Variants in ELL observed in about 807,000 individuals in gnomAD.
The protein encoded by ELL is RNA polymerase II elongation factor ELL.
A neutral mutation model predicts 64.0 loss-of-function variants in ELL; 18 were observed. The observed-to-expected ratio is 0.28, with a 90% CI of 0.19 to 0.42. The LOEUF is 0.42. ELL is among the 10% of genes least tolerant of loss of function. The probability of loss-of-function intolerance (pLI) is 1.00; values close to 1 mark genes in which losing one functional copy is unlikely to be tolerated. For missense variants in ELL, 797 were observed against 870.4 expected, an observed-to-expected ratio of 0.92 and a Z score of 1.06; for synonymous variants, 399 against 376.2, an observed-to-expected ratio of 1.06 and a Z score of -0.70.
chr19:18,482,336 T>TAAAAAAAAAAAAAAAAAAAAAAAAA (rs1975318999), intron 1 of ELL, among the ~76,000 whole-genome samples: 3 of 127,924 alleles, frequency 2.3e-5, no homozygotes, highest in African/African-American at 8.8e-5. Context: ...TTTTTTTTTT[T>TAAAAAAAAAAAAAAAAAAAAAAAAA]AAACAGGGTC....
At chr19:18,471,054 T>G (rs1384820939) in intron 2 of ELL, 8 of 451,902 alleles carry the variant, frequency 1.8e-5, no homozygotes, top group Non-Finnish European at 3.5e-5. Context: ...AGAAATTGAT[T>G]TAGGTACAAC....
Position 18,443,207 on chromosome 19 carries a change from G to A in ELL, c.*1545C>T, listed in dbSNP as rs962464620. On this transcript the variant is annotated 3_prime_UTR_variant, in exon 12 of 12. Transcript: ENST00000262809. ...GCTCGGCCCTTCCCCGGCCCGGCCC[G>A]GCCCAAAGAGAAAAACAACAACAGC... The A allele has an allele frequency of 8.6e-5, 20 of 231,794 alleles. No homozygotes were observed. Among genetic ancestry groups the A allele is most frequent in the African/African-American group, 2.9e-4 (13 of 45,192 alleles). The allele number at this position is 231,794 out of a possible 1,614,324, so 14.4% of individuals were successfully genotyped here.
Position 18,519,699 on chromosome 19 carries a change from C to T in ELL, c.135+2222G>A, listed in dbSNP as rs1210603389. On this transcript the variant is annotated intron_variant, in intron 1 of 11. Transcript: ENST00000262809. ...GCACGTGCCTGTAGTCCCAGCTACTCGGGAGGCTGAGGCAGGAGAATCGCT... is the reference window on the plus strand; with the variant it reads ...GCACGTGCCTGTAGTCCCAGCTACTTGGGAGGCTGAGGCAGGAGAATCGCT... Among the ~76,000 whole-genome samples the T allele has an allele frequency of 2.7e-5, 4 of 150,584 alleles. No homozygotes were observed. The Admixed American group carries it at 2.7e-4, about 10-fold the overall frequency.
chr19:18,454,319 G>A lies in ELL; in HGVS notation c.870-2671C>T, dbSNP rs532036441. On this transcript the variant is annotated intron_variant, in intron 6 of 11. Transcript: ENST00000262809. ...TCGAGACCATCCTGGCTAACACGGT[G>A]AAACCTCATCTCTACTAAAAATACA... 2.8e-3 allele frequency among the ~76,000 whole-genome samples: 429 copies of A among 152,134 alleles called. 5 individuals are homozygous for A. The highest frequency in any genetic ancestry group is 3.7e-3 in the Non-Finnish European group (253 of 68,000).
chr19:18,462,334 GCTGTGTGT>G (rs1189116458), intron 4 of ELL, among the ~76,000 whole-genome samples: 1 of 90,516 alleles, frequency 1.1e-5, no homozygotes, highest in Admixed American at 1.1e-4. Context: ...ACTCTAGTGG[GCTGTGTGT>G]GTGTGTGTGT....
intron 1 of ELL, among the ~76,000 whole-genome samples, chr19:18,508,882 T>TA (rs1975940393): frequency 6.6e-6 from 1 of 152,096 alleles, no homozygotes; most frequent in South Asian, 2.1e-4. Context: ...CTATAGTCTC[T>TA]AGGGTTGCTG....
intron 1 of ELL, among the ~76,000 whole-genome samples, chr19:18,485,508 G>C (rs545878984): frequency 6.6e-6 from 1 of 152,234 alleles, no homozygotes; most frequent in East Asian, 1.9e-4. Context: ...TCCACTATGG[G>C]AGCCCATCTC....
chr19:18,459,306 G>A (rs1419199423), intron 5 of ELL, among the ~76,000 whole-genome samples: 1 of 152,188 alleles, frequency 6.6e-6, no homozygotes, highest in African/African-American at 2.4e-5. Flanking sequence ...GTTGCCGGTT[G>A]ACCAAAGCTA....
Position 18,465,791 on chromosome 19 carries a change from C to G in ELL, c.305+6G>C, listed in dbSNP as rs201193445. On this transcript the variant is annotated splice_donor_region_variant and intron_variant, in intron 3 of 11. Coordinates refer to ENST00000262809, the MANE Select transcript of ELL (RefSeq NM_006532.4). ...CGGGGTGCTCTGGGGTGGGGCGGCGCCTCACCTGGAGACATACTGCTGGAT... is the reference window on the plus strand; with the variant it reads ...CGGGGTGCTCTGGGGTGGGGCGGCGGCTCACCTGGAGACATACTGCTGGAT... 6.9e-4 allele frequency: 980 copies of G among 1,419,100 alleles called. 4 individuals are homozygous for G. The African/African-American group carries it at 9.5e-3, about 14-fold the overall frequency. The allele number at this position is 1,419,100 out of a possible 1,614,324, so 87.9% of individuals were successfully genotyped here.
At chr19:18,496,160 G>A (rs918481856) in intron 1 of ELL, among the ~76,000 whole-genome samples, 3 of 152,188 alleles carry the variant, frequency 2.0e-5, no homozygotes, top group African/African-American at 4.8e-5. Context: ...CCATGGCTGC[G>A]CCCCACAAAA....
At chr19:18,445,808 C>G (rs1974402193) in intron 10 of ELL, among the ~76,000 whole-genome samples, 1 of 152,036 alleles carries the variant, frequency 6.6e-6, no homozygotes, top group South Asian at 2.1e-4. Context: ...CACAGGGCAG[C>G]TGAATGAGCT....
chr19:18,510,990 G>A (rs972973944), intron 1 of ELL, among the ~76,000 whole-genome samples: 4 of 152,136 alleles, frequency 2.6e-5, no homozygotes, highest in Non-Finnish European at 5.9e-5. Flanking sequence ...CGCATGGGCC[G>A]GGTGCGGTGG....
intron 1 of ELL, among the ~76,000 whole-genome samples, chr19:18,517,886 C>CAA (rs35771773): frequency 2.8e-3 from 241 of 84,606 alleles, no homozygotes; most frequent in African/African-American, 6.8e-3. Flanking sequence ...GACCTTGTCT[C>CAA]AAAAAAAAAA....
chr19:18,450,541 C>G lies in ELL; in HGVS notation c.1401G>C (p.Arg467=). ...CAGGTGCACAGTCTGGAAGCTGGGC[C>G]CGGGGCTTGTCCTCAGCCGCCCTCT... ...DKERAAEDKP[R]AQLPDCAPAT... The change falls in exon 8 of 12, where the codon CGG becomes CGC. Residue 467 remains arginine (R), a synonymous_variant. Coordinates refer to ENST00000262809, the MANE Select transcript of ELL (RefSeq NM_006532.4). 1 of 1,613,224 alleles carries G rather than the reference C, an allele frequency of 6.2e-7. No homozygotes were observed. The highest frequency in any genetic ancestry group is 1.1e-5 in the South Asian group (1 of 91,084).
In ELL at chr19:18,465,903, G is replaced by T. The variant is rs1054854461; in HGVS notation, c.199C>A (p.Gln67Lys). 1 of 1,325,386 alleles carries T rather than the reference G, an allele frequency of 7.5e-7. No homozygotes were observed. 82.1% of individuals were successfully genotyped at this position (1,325,386 alleles called of 1,614,324 possible). ...QGSQGHISIP[Q>K]PDCPAEARTF... ...CGCGCCTCTGCGGGGCAGTCAGGCT[G>T]GGGGATGGAGATGTGCTGCGTGGAG... The change falls in exon 3 of 12, where the codon CAG becomes AAG. Residue 67 changes from glutamine (Q) to lysine (K), a missense_variant. Coordinates refer to ENST00000262809, the MANE Select transcript of ELL (RefSeq NM_006532.4).
chr19:18,507,994 T>G (rs1975922522), intron 1 of ELL, among the ~76,000 whole-genome samples: 1 of 152,210 alleles, frequency 6.6e-6, no homozygotes, highest in African/African-American at 2.4e-5. Context: ...AGGCTGCACA[T>G]GACTGTGTTT....
intron 1 of ELL, among the ~76,000 whole-genome samples, chr19:18,502,682 A>T (rs772398050): frequency 6.6e-6 from 1 of 152,162 alleles, no homozygotes; most frequent in Non-Finnish European, 1.5e-5. Flanking sequence ...GCCCAATGAC[A>T]ACGGACACCA....
chr19:18,463,852 G>A (rs1203861499), intron 4 of ELL, among the ~76,000 whole-genome samples: 1 of 152,078 alleles, frequency 6.6e-6, no homozygotes, highest in Non-Finnish European at 1.5e-5. Context: ...CGGGCGTGGT[G>A]GCAGGCACCT....
At position 18,511,972 on chromosome 19, in the gene ELL, T is replaced by C. The variant is rs570278007; in HGVS notation, c.135+9949A>G. 5.3e-5 allele frequency among the ~76,000 whole-genome samples: 8 copies of C among 151,658 alleles called. No homozygotes were observed. The South Asian group carries it at 1.7e-3, about 32-fold the overall frequency. ...GAGTTCAAAACCAGCCTGGCCAAGA[T>C]GGTGAAACCCCGTCTCTACTAAAAA... On this transcript the variant is annotated intron_variant, in intron 1 of 11. Coordinates refer to ENST00000262809, the MANE Select transcript of ELL (RefSeq NM_006532.4).
Sources: gnomAD v4.1 joint callset for allele counts (sites outside exome capture counted in the v4.1 genomes callset) on GRCh38, gnomAD v4.1.1 for gene constraint, MANE v1.5 for transcripts, NCBI Gene and HGNC (gene_info 2026-07-23, HGNC 2026-07-21) for gene names.